The following STRN3 variants were observed in gnomAD, a reference collection of about 807,000 sequenced individuals.
STRN3 encodes striatin-3.
In STRN3, 29 loss-of-function variants were observed where a neutral mutation model predicts 95.6. The observed-to-expected ratio is 0.30, with a 90% CI of 0.23 to 0.41. The LOEUF is 0.41. Among genes scored for constraint, STRN3 ranks in the 10% least tolerant of loss-of-function variants. The pLI is 1.00. For synonymous variants in STRN3, 331 were observed against 357.6 expected (o/e 0.93, Z 0.84); for missense variants, 890 against 972.1 (o/e 0.92, Z 1.12).
At chr14:30,904,871 T>C (rs1023584153) in intron 15 of STRN3, among the ~76,000 whole-genome samples, 1 of 147,622 alleles carries the variant, frequency 6.8e-6, no homozygotes, top group Non-Finnish European at 1.5e-5. Context: ...TGAATAGAAA[T>C]AGAGAAGCAC....
intron 1 of STRN3, among the ~76,000 whole-genome samples, chr14:31,001,566 A>C (rs1338280612): frequency 2.0e-5 from 3 of 151,984 alleles, no homozygotes; most frequent in Non-Finnish European, 2.9e-5. Flanking sequence ...GAATGCCCTG[A>C]ATTCACATTT....
intron 4 of STRN3, among the ~76,000 whole-genome samples, chr14:30,950,576 T>C (rs1007003288): frequency 6.6e-6 from 1 of 152,200 alleles, no homozygotes; most frequent in East Asian, 1.9e-4. Flanking sequence ...AATTCTGCAC[T>C]GAAAGGAATG....
chr14:30,921,107 CTT>C (rs1418414554), intron 8 of STRN3, among the ~76,000 whole-genome samples: 17 of 151,374 alleles, frequency 1.1e-4, no homozygotes, highest in South Asian at 4.2e-4. Context: ...CACACACACA[CTT>C]CCTTATCTTC....
intron 7 of STRN3, among the ~76,000 whole-genome samples, chr14:30,931,453 C>T (rs139588555): frequency 1.4e-3 from 208 of 152,226 alleles, no homozygotes; most frequent in African/African-American, 4.6e-3. Context: ...CACAAAAACA[C>T]GAAATTCTAT....
At chr14:30,901,966 G>A (rs1214837044) in intron 16 of STRN3, among the ~76,000 whole-genome samples, 4 of 151,700 alleles carry the variant, frequency 2.6e-5, no homozygotes, top group African/African-American at 7.3e-5. Context: ...TCAGGAGTTC[G>A]AGACCAGCCT....
chr14:30,972,023 C>G (rs1246879141), intron 1 of STRN3, among the ~76,000 whole-genome samples: 1 of 152,184 alleles, frequency 6.6e-6, no homozygotes, highest in Non-Finnish European at 1.5e-5. Flanking sequence ...GAAAAGAAAG[C>G]TGTAAGGAAA....
At chr14:30,907,150 A>G in intron 13 of STRN3, 106 bp from the exon 14 acceptor site, 1 of 1,278,324 alleles carries the variant, frequency 7.8e-7, no homozygotes, top group Admixed American at 2.7e-5. Flanking sequence ...AACACACATA[A>G]AGGCCACAAG....
rs539431773 is a variant in STRN3, at chr14:30,934,105, C to T, written c.988+1058G>A. ...CTTTGGGAGGCCAAGGCGGGCGGAT[C>T]GCGATGTCAAGAGATCGAGACCATC... On this transcript the variant is annotated intron_variant, in intron 7 of 17. Coordinates refer to ENST00000357479, the MANE Select transcript of STRN3 (RefSeq NM_001083893.2). Among the ~76,000 whole-genome samples the T allele has an allele frequency of 4.6e-5, 7 of 152,238 alleles. No homozygotes were observed. In the East Asian group the frequency reaches 1.2e-3, roughly 25 times the overall value.
At chr14:30,987,620 C>G (rs1466551462) in intron 1 of STRN3, among the ~76,000 whole-genome samples, 1 of 152,046 alleles carries the variant, frequency 6.6e-6, no homozygotes, top group African/African-American at 2.4e-5. Context: ...TTTGGAGGAG[C>G]CATGGTAGCT....
At chr14:30,937,908 C>T (rs558125283) in intron 5 of STRN3, among the ~76,000 whole-genome samples, 11 of 152,190 alleles carry the variant, frequency 7.2e-5, no homozygotes, top group African/African-American at 2.2e-4. Context: ...ATAGTCGTCC[C>T]TTGGTTTCCA....
intron 5 of STRN3, among the ~76,000 whole-genome samples, chr14:30,944,483 A>T (rs1032580793): frequency 3.4e-5 from 5 of 149,032 alleles, no homozygotes; most frequent in African/African-American, 4.9e-5. Context: ...ATATATACAT[A>T]ATATATACAC....
At chr14:30,998,058 G>A (rs1444527589) in intron 1 of STRN3, among the ~76,000 whole-genome samples, 1 of 152,122 alleles carries the variant, frequency 6.6e-6, no homozygotes, top group Non-Finnish European at 1.5e-5. Context: ...CAGTATCCAT[G>A]AAATCCAATA....
intron 9 of STRN3, 142 bp downstream of exon 9, chr14:30,918,824 T>C (rs1384752783): frequency 2.4e-6 from 2 of 830,912 alleles, no homozygotes; most frequent in Non-Finnish European, 3.4e-6. Context: ...ATTAGTTACA[T>C]CAAGAGCTTG....
At chr14:30,905,631 T>A (rs1896442428) in intron 14 of STRN3, 73 bp from the exon 15 acceptor site, 1 of 1,497,182 alleles carries the variant, frequency 6.7e-7, no homozygotes, top group Non-Finnish European at 8.9e-7. Context: ...TTGAAATCTC[T>A]GTTTTTCTAA....
intron 1 of STRN3, among the ~76,000 whole-genome samples, chr14:30,971,849 G>A (rs137959443): frequency 1.8e-3 from 270 of 152,214 alleles, no homozygotes; most frequent in African/African-American, 6.2e-3. Context: ...ACTTATTCTT[G>A]TCGGGTGCTG....
chr14:30,996,095 T>C (rs1398426981), intron 1 of STRN3, among the ~76,000 whole-genome samples: 1 of 152,220 alleles, frequency 6.6e-6, no homozygotes, highest in African/African-American at 2.4e-5. Flanking sequence ...TCCATTCCTT[T>C]CACAGACACT....
At position 30,929,323 on chromosome 14, in the gene STRN3, ATAT is replaced by A. The variant is rs1878361754; in HGVS notation, c.989-15_989-13del. 6.2e-7 allele frequency: 1 copy of A among 1,607,064 alleles called. No homozygotes were observed. Among genetic ancestry groups the A allele is most frequent in the Admixed American group, 1.7e-5 (1 of 59,254 alleles). ...GAGGTCATCTTTATCTACATGCAGCATATTATTAAAAGAAAAAAAATCAGCAGT... is the reference window on the plus strand; with the variant it reads ...GAGGTCATCTTTATCTACATGCAGCATATTAAAAGAAAAAAAATCAGCAGT... On this transcript the variant is annotated splice_polypyrimidine_tract_variant and intron_variant, in intron 7 of 17. Coordinates refer to ENST00000357479, the MANE Select transcript of STRN3 (RefSeq NM_001083893.2).
intron 15 of STRN3, 66 bp downstream of exon 15, chr14:30,905,352 A>G (rs1170853565): frequency 2.9e-6 from 4 of 1,392,688 alleles, no homozygotes; most frequent in Non-Finnish European, 3.8e-6. Context: ...AAAATTAGCT[A>G]AAAGATCACC....
At chr14:30,971,516 T>C (rs1187215827) in intron 1 of STRN3, among the ~76,000 whole-genome samples, 1 of 152,150 alleles carries the variant, frequency 6.6e-6, no homozygotes, top group Non-Finnish European at 1.5e-5. Flanking sequence ...TTAACTACAC[T>C]AGAGATGCTG....
Sources: gnomAD v4.1 joint callset for allele counts (sites outside exome capture counted in the v4.1 genomes callset) on GRCh38, gnomAD v4.1.1 for gene constraint, MANE v1.5 for transcripts, NCBI Gene and HGNC (gene_info 2026-07-23, HGNC 2026-07-21) for gene names.